Variants in CALN1 observed in about 807,000 individuals in gnomAD.
CALN1 encodes calcium-binding protein 8.
A neutral mutation model predicts 30.6 loss-of-function variants in CALN1; 17 were observed. The ratio of observed to expected loss-of-function variants is 0.56; its 90% CI spans 0.38 to 0.83. The LOEUF (loss-of-function observed/expected upper bound fraction) is 0.83. Ranked by LOEUF, CALN1 falls within the 40% of genes least tolerant of loss-of-function variation. The pLI, the probability that CALN1 is intolerant of heterozygous loss-of-function variation, is 0.00. For synonymous variants in CALN1, 156 were observed against 131.4 expected, an observed-to-expected ratio of 1.19 and a Z score of -1.28; for missense variants, 291 against 354.9, an observed-to-expected ratio of 0.82 and a Z score of 1.45.
intron 4 of CALN1, among the ~76,000 whole-genome samples, chr7:72,052,880 A>G (rs1445874872): frequency 6.6e-6 from 1 of 150,546 alleles, no homozygotes; most frequent in African/African-American, 2.4e-5. Flanking sequence ...CTGTAATGCC[A>G]GCACTTTGGG....
intron 1 of CALN1, among the ~76,000 whole-genome samples, chr7:72,430,385 G>T (rs1164086334): frequency 1.3e-5 from 2 of 151,002 alleles, no homozygotes; most frequent in Admixed American, 1.3e-4. Context: ...TGGTCAATTT[G>T]TAATACGATA....
At chr7:71,907,338 C>A (rs570245960) in intron 5 of CALN1, among the ~76,000 whole-genome samples, 3 of 152,068 alleles carry the variant, frequency 2.0e-5, no homozygotes, top group Admixed American at 6.5e-5. Flanking sequence ...CCTGTGAAGT[C>A]AATATTACAG....
At chr7:72,416,734 CAAAAAAAAAAAAAAAAA>C (rs4029798), upstream of CALN1, among the ~76,000 whole-genome samples, 5 of 77,688 alleles carry the variant, frequency 6.4e-5, no homozygotes, top group African/African-American at 1.0e-4. Context: ...GACTCTGTCT[CAAAAAAAAAAAAAAAAA>C]AAAAAAAAAA....
At chr7:71,857,016 ATG>A (rs200594767) in intron 5 of CALN1, among the ~76,000 whole-genome samples, 8,226 of 142,048 alleles carry the variant, frequency 0.058, 243 homozygotes, top group South Asian at 0.15. Context: ...GTGTATATGT[ATG>A]TGTGTGTGTG....
chr7:72,322,827 G>C (rs1320331241), intron 2 of CALN1, among the ~76,000 whole-genome samples: 2 of 151,916 alleles, frequency 1.3e-5, no homozygotes, highest in East Asian at 3.9e-4. Flanking sequence ...CATAACACAA[G>C]GGATAAACGT....
intron 2 of CALN1, among the ~76,000 whole-genome samples, chr7:72,282,551 T>G (rs1797801006): frequency 6.6e-6 from 1 of 152,194 alleles, no homozygotes; most frequent in African/African-American, 2.4e-5. Flanking sequence ...AAGGCTCTTT[T>G]GTCTTTCTGC....
At chr7:72,235,911 A>G (rs1794447222) in intron 3 of CALN1, among the ~76,000 whole-genome samples, 1 of 151,856 alleles carries the variant, frequency 6.6e-6, no homozygotes, top group African/African-American at 2.4e-5. Context: ...CAGAACTGCT[A>G]CCTGACCAAG....
intron 2 of CALN1, among the ~76,000 whole-genome samples, chr7:72,397,714 T>TCTCTCTCACACACACA (rs142607076): frequency 3.0e-4 from 43 of 142,910 alleles, no homozygotes; most frequent in African/African-American, 8.9e-4. Flanking sequence ...CCATTCTCTC[T>TCTCTCTCACACACACA]CACACACACA....
chr7:72,453,993 A>AATATATATATATATATATAT, the CALN1 span, among the ~76,000 whole-genome samples: 10 of 148,216 alleles, frequency 6.7e-5, no homozygotes, highest in African/African-American at 2.5e-4. Context: ...ACAACCAAAA[A>AATATATATATATATATATAT]ATATATATAT....
chr7:72,443,210 AT>A (rs547243890), intron 1 of CALN1, among the ~76,000 whole-genome samples: 2 of 152,102 alleles, frequency 1.3e-5, no homozygotes, highest in African/African-American at 4.8e-5. Flanking sequence ...TTCGTGACTT[AT>A]TTTTTTGTCT....
At chr7:72,452,713 T>C in the CALN1 span, among the ~76,000 whole-genome samples, 1 of 152,186 alleles carries the variant, frequency 6.6e-6, no homozygotes, top group African/African-American at 2.4e-5. Flanking sequence ...CTTAGCTTTA[T>C]TGAACCTCTA....
intron 5 of CALN1, among the ~76,000 whole-genome samples, chr7:71,965,894 C>G (rs1219930416): frequency 1.3e-5 from 2 of 151,302 alleles, no homozygotes; most frequent in Admixed American, 6.6e-5. Flanking sequence ...TGGTCTTCTT[C>G]CTGTAGAAAA....
rs559547300 is a variant in CALN1 at position 71,932,175 on chromosome 7, C to A, written c.501+91482G>T. ...CTTCCAACAATGCTGTGACCCAAGA[C>A]CCCTAATAAATGTTTTATTTATTTA... On this transcript the variant is annotated intron_variant, in intron 5 of 6. Coordinates refer to ENST00000395275, the MANE Select transcript of CALN1 (RefSeq NM_031468.4). Among the ~76,000 whole-genome samples, 6 of 152,208 alleles carry A rather than the reference C, an allele frequency of 3.9e-5. 1 individual carries two copies. The South Asian group carries it at 1.0e-3, about 26-fold the overall frequency.
At chr7:72,021,408 AG>A (rs1195709434) in intron 5 of CALN1, among the ~76,000 whole-genome samples, 16 of 152,176 alleles carry the variant, frequency 1.1e-4, no homozygotes, top group African/African-American at 3.9e-4. Context: ...ATGGGTCAAA[AG>A]ATGGCCAGAT....
intron 2 of CALN1, among the ~76,000 whole-genome samples, chr7:72,318,024 G>A (rs1307250001): frequency 1.3e-5 from 2 of 152,096 alleles, no homozygotes; most frequent in African/African-American, 4.8e-5. Flanking sequence ...ATTTCTGATT[G>A]AGCGTCTATG....
At chr7:72,398,336 T>C (rs1338054106) in intron 2 of CALN1, among the ~76,000 whole-genome samples, 1 of 152,226 alleles carries the variant, frequency 6.6e-6, no homozygotes, top group Admixed American at 6.5e-5. Context: ...AAGTTCCCTT[T>C]GAATTTCCAT....
intron 5 of CALN1, among the ~76,000 whole-genome samples, chr7:71,866,096 C>T (rs938287137): frequency 1.3e-5 from 2 of 152,014 alleles, no homozygotes; most frequent in Non-Finnish European, 2.9e-5. Context: ...AGCTCTGCCT[C>T]CCGGGTTCAT....
intron 2 of CALN1, chr7:72,337,179 C>T: frequency 3.0e-6 from 3 of 984,050 alleles, no homozygotes; most frequent in Non-Finnish European, 3.6e-6. Flanking sequence ...GCTCCGGCCT[C>T]CTCCCCAGCT....
At chr7:71,865,240 C>G (rs981282448) in intron 5 of CALN1, among the ~76,000 whole-genome samples, 2 of 152,022 alleles carry the variant, frequency 1.3e-5, no homozygotes, top group Non-Finnish European at 2.9e-5. Flanking sequence ...AACATTACCC[C>G]CTTGGTGCTG....
Sources: allele counts gnomAD v4.1 joint callset (sites outside exome capture counted in the v4.1 genomes callset), GRCh38; gene constraint gnomAD v4.1.1; transcripts MANE v1.5; gene names NCBI Gene and HGNC (gene_info 2026-07-23, HGNC 2026-07-21).